Variants in GRID2 observed in about 807,000 individuals in gnomAD.
GRID2 encodes the protein glutamate receptor ionotropic, delta-2.
GRID2 carries 33 observed loss-of-function variants against 114.8 expected under a neutral mutation model. The ratio of observed to expected loss-of-function variants is 0.29; its 90% CI spans 0.22 to 0.38. The LOEUF (loss-of-function observed/expected upper bound fraction) is 0.38. Ranked by LOEUF, GRID2 falls within the 10% of genes least tolerant of loss-of-function variation. The pLI is 1.00. For missense variants in GRID2, 1,184 were observed against 1,257.7 expected, an observed-to-expected ratio of 0.94 and a Z score of 0.89; for synonymous variants, 505 against 449.9, an observed-to-expected ratio of 1.12 and a Z score of -1.55.
At chr4:93,611,438 T>C (rs1258162136) in intron 13 of GRID2, among the ~76,000 whole-genome samples, 3 of 117,472 alleles carry the variant, frequency 2.6e-5, no homozygotes, top group Admixed American at 8.9e-5. Flanking sequence ...TCCTGCTTTC[T>C]CTTGTAGGCA....
intron 1 of GRID2, among the ~76,000 whole-genome samples, chr4:92,351,521 C>T (rs1467203246): frequency 6.6e-6 from 1 of 151,730 alleles, no homozygotes; most frequent in Non-Finnish European, 1.5e-5. Flanking sequence ...TTTCAACATC[C>T]TCTCTTCTAG....
chr4:93,708,918 A>G (rs1728241172), intron 14 of GRID2, among the ~76,000 whole-genome samples: 1 of 152,084 alleles, frequency 6.6e-6, no homozygotes, highest in Admixed American at 6.6e-5. Flanking sequence ...CTTATAACCC[A>G]TTATTTTAAA....
intron 1 of GRID2, among the ~76,000 whole-genome samples, chr4:92,342,604 A>ACC (rs1560576822): frequency 2.6e-5 from 4 of 152,234 alleles, no homozygotes; most frequent in Admixed American, 2.6e-4. Context: ...AAGGAAATTC[A>ACC]TTAAACAAAA....
intron 4 of GRID2, among the ~76,000 whole-genome samples, chr4:93,121,724 TC>T (rs756589270): frequency 6.6e-6 from 1 of 152,170 alleles, no homozygotes; most frequent in Non-Finnish European, 1.5e-5. Context: ...GCTGCCAGTT[TC>T]CCAAAGTGTT....
intron 1 of GRID2, among the ~76,000 whole-genome samples, chr4:92,551,840 G>A (rs922755670): frequency 1.2e-4 from 18 of 152,182 alleles, no homozygotes; most frequent in African/African-American, 3.9e-4. Context: ...ATGCTGCTAG[G>A]AATGGAGAAG....
At chr4:92,870,676 A>C (rs1379595917) in intron 2 of GRID2, among the ~76,000 whole-genome samples, 1 of 152,228 alleles carries the variant, frequency 6.6e-6, no homozygotes, top group Non-Finnish European at 1.5e-5. Flanking sequence ...CATCTTTCAT[A>C]GTAGAGAAAT....
intron 1 of GRID2, among the ~76,000 whole-genome samples, chr4:92,505,852 G>C (rs1037636053): frequency 2.6e-5 from 4 of 151,964 alleles, no homozygotes; most frequent in African/African-American, 9.7e-5. Flanking sequence ...GTTCACAAAA[G>C]AAGAGTGTCA....
chr4:92,358,256 T>C (rs1294371475), intron 1 of GRID2, among the ~76,000 whole-genome samples: 2 of 151,992 alleles, frequency 1.3e-5, no homozygotes, highest in African/African-American at 2.4e-5. Flanking sequence ...TGTTGTTCAC[T>C]GGAGAGGAAT....
At chr4:93,170,242 C>G (rs1419313429) in intron 4 of GRID2, among the ~76,000 whole-genome samples, 1 of 152,082 alleles carries the variant, frequency 6.6e-6, no homozygotes, top group Non-Finnish European at 1.5e-5. Context: ...AGCCAATGCA[C>G]CCGGCTAATT....
intron 1 of GRID2, among the ~76,000 whole-genome samples, chr4:93,806,139 G>A (rs1191760437): frequency 6.6e-6 from 1 of 152,150 alleles, no homozygotes; most frequent in Non-Finnish European, 1.5e-5. Flanking sequence ...CATATGGGTA[G>A]GCTAAAATGT....
At chr4:93,171,234 CT>C (rs1224173512) in intron 4 of GRID2, among the ~76,000 whole-genome samples, 1 of 152,112 alleles carries the variant, frequency 6.6e-6, no homozygotes, top group African/African-American at 2.4e-5. Context: ...GCAATACAGA[CT>C]TTTTGCTTTT....
At chr4:93,317,228 G>A (rs982460541) in intron 8 of GRID2, among the ~76,000 whole-genome samples, 8 of 151,936 alleles carry the variant, frequency 5.3e-5, no homozygotes, top group Non-Finnish European at 8.8e-5. Flanking sequence ...TTTTCAGATC[G>A]GGTTACCTGA....
intron 1 of GRID2, among the ~76,000 whole-genome samples, chr4:92,312,133 T>C (rs554466978): frequency 4.1e-4 from 62 of 152,132 alleles, no homozygotes; most frequent in Non-Finnish European, 5.3e-4. Flanking sequence ...CTGCTTAGTT[T>C]ACTTAAGAAA....
intron 11 of GRID2, among the ~76,000 whole-genome samples, chr4:93,483,772 T>C (rs1354913033): frequency 6.6e-6 from 1 of 151,928 alleles, no homozygotes; most frequent in Non-Finnish European, 1.5e-5. Flanking sequence ...GAGGGGTCCT[T>C]TGGAAAATAA....
chr4:92,941,784 G>C (rs760052031), intron 2 of GRID2, among the ~76,000 whole-genome samples: 3 of 152,046 alleles, frequency 2.0e-5, no homozygotes, highest in Non-Finnish European at 4.4e-5. Flanking sequence ...GTTCTCATTG[G>C]TTTCAAAGAA....
chr4:92,619,053 T>C (rs1336395353), intron 2 of GRID2, among the ~76,000 whole-genome samples: 3 of 151,710 alleles, frequency 2.0e-5, no homozygotes, highest in African/African-American at 7.3e-5. Context: ...TTTGAATTTG[T>C]CTTTGTTTTT....
At chr4:92,417,843 C>A (rs561741988) in intron 1 of GRID2, among the ~76,000 whole-genome samples, 1 of 152,078 alleles carries the variant, frequency 6.6e-6, no homozygotes, top group East Asian at 1.9e-4. Context: ...CCATGCTGTT[C>A]TCGTGGTAGT....
chr4:92,981,105 A>G (rs1450654366), intron 2 of GRID2, among the ~76,000 whole-genome samples: 1 of 152,062 alleles, frequency 6.6e-6, no homozygotes, highest in Non-Finnish European at 1.5e-5. Context: ...ATGCCTCAAT[A>G]CCAGTCAAAA....
chr4:92,537,102 A>G (rs898370351), intron 1 of GRID2, among the ~76,000 whole-genome samples: 1 of 152,120 alleles, frequency 6.6e-6, no homozygotes, highest in Non-Finnish European at 1.5e-5. Flanking sequence ...ATACCCTTCA[A>G]TACACAATTT....
Sources: gnomAD v4.1 joint callset for allele counts (sites outside exome capture counted in the v4.1 genomes callset) on GRCh38, gnomAD v4.1.1 for gene constraint, MANE v1.5 for transcripts, NCBI Gene and HGNC (gene_info 2026-07-23, HGNC 2026-07-21) for gene names.